The following PTPRD variants were observed in gnomAD, a reference collection of about 807,000 sequenced individuals.
The protein encoded by PTPRD is receptor-type tyrosine-protein phosphatase delta.
A neutral mutation model predicts 214.5 loss-of-function variants in PTPRD; 34 were observed. That is an observed-to-expected ratio of 0.16 (90% CI 0.12 to 0.21). The LOEUF (loss-of-function observed/expected upper bound fraction) is 0.21, where lower values mean the gene tolerates loss of function less well. Ranked by LOEUF, PTPRD falls within the 10% of genes least tolerant of loss-of-function variation. The probability of loss-of-function intolerance (pLI) is 1.00; values close to 1 mark genes in which losing one functional copy is unlikely to be tolerated. For missense variants in PTPRD, 2,545 were observed against 2,398.7 expected (o/e 1.06, Z -1.27); for synonymous variants, 1,128 against 845.7 (o/e 1.33, Z -5.79).
At chr9:9,734,294 G>C (rs748947498) in intron 7 of PTPRD, among the ~76,000 whole-genome samples, 1 of 152,016 alleles carries the variant, frequency 6.6e-6, no homozygotes, top group Non-Finnish European at 1.5e-5. Context: ...CCTCTGTTTG[G>C]AATGTTCTTC....
intron 12 of PTPRD, among the ~76,000 whole-genome samples, chr9:8,688,810 T>C (rs2097746553): frequency 6.6e-6 from 1 of 152,180 alleles, no homozygotes; most frequent in Non-Finnish European, 1.5e-5. Flanking sequence ...TCAAACTACA[T>C]TCAGTCTCAA....
At position 10,406,873 on chromosome 9, in the gene PTPRD, G is replaced by T. The variant is rs539323204; in HGVS notation, c.-599-65856C>A. 2.6e-5 allele frequency among the ~76,000 whole-genome samples: 4 copies of T among 151,678 alleles called. No individual in the cohort carries two copies. The East Asian group carries it at 7.8e-4, about 30-fold the overall frequency. ...CTCACGATCTCACAGGATCCCTGTG[G>T]TGAGTGGAAATGGCAACAGACAGGA... is the stretch of plus-strand genomic sequence containing the variant. On this transcript the variant is annotated intron_variant, in intron 2 of 45. Transcript: ENST00000381196.
At chr9:8,346,085 C>G (rs905842599) in intron 39 of PTPRD, among the ~76,000 whole-genome samples, 4 of 152,070 alleles carry the variant, frequency 2.6e-5, no homozygotes, top group African/African-American at 9.7e-5. Flanking sequence ...CTTCTCCTTT[C>G]AAATCTGCTC....
At chr9:9,350,104 C>T (rs2050532890) in intron 9 of PTPRD, among the ~76,000 whole-genome samples, 1 of 152,046 alleles carries the variant, frequency 6.6e-6, no homozygotes. Flanking sequence ...AAATCCTTTG[C>T]TGATGTAGAA....
chr9:10,164,183 C>A (rs778755002), intron 3 of PTPRD, among the ~76,000 whole-genome samples: 3 of 151,488 alleles, frequency 2.0e-5, no homozygotes, highest in Non-Finnish European at 3.0e-5. Flanking sequence ...AAATACAGAA[C>A]AGAGAACACA....
chr9:9,470,340 A>T (rs1445476856), intron 8 of PTPRD, among the ~76,000 whole-genome samples: 2 of 152,128 alleles, frequency 1.3e-5, no homozygotes, highest in Non-Finnish European at 2.9e-5. Context: ...GCAAGATACC[A>T]CCTATTGGAA....
intron 7 of PTPRD, among the ~76,000 whole-genome samples, chr9:9,681,447 C>T (rs1234419278): frequency 6.6e-6 from 1 of 151,638 alleles, no homozygotes; most frequent in East Asian, 1.9e-4. Context: ...TGGCCCCAAG[C>T]AATATTTGAG....
intron 12 of PTPRD, among the ~76,000 whole-genome samples, chr9:8,715,296 A>G (rs944865240): frequency 2.0e-5 from 3 of 152,176 alleles, no homozygotes; most frequent in African/African-American, 4.8e-5. Context: ...CACACAACAC[A>G]TAACAACTGC....
intron 3 of PTPRD, among the ~76,000 whole-genome samples, chr9:10,339,954 T>A (rs1051929739): frequency 1.3e-5 from 2 of 151,784 alleles, no homozygotes; most frequent in Non-Finnish European, 2.9e-5. Context: ...ATAACTATAT[T>A]CTTTGATTTA....
chr9:10,349,150 T>C (rs1370929076), intron 2 of PTPRD, among the ~76,000 whole-genome samples: 1 of 151,106 alleles, frequency 6.6e-6, no homozygotes, highest in Non-Finnish European at 1.5e-5. Flanking sequence ...CCTACTGCAA[T>C]CTCACATGAT....
intron 5 of PTPRD, among the ~76,000 whole-genome samples, chr9:9,874,973 A>G (rs2066449556): frequency 6.6e-6 from 1 of 152,196 alleles, no homozygotes; most frequent in Admixed American, 6.5e-5. Flanking sequence ...CTTTTGTCCA[A>G]TCATTTGAAT....
At chr9:9,925,621 A>AT (rs539918442) in intron 5 of PTPRD, among the ~76,000 whole-genome samples, 64 of 151,392 alleles carry the variant, frequency 4.2e-4, no homozygotes, top group Admixed American at 1.5e-3. Flanking sequence ...AGATGACAAA[A>AT]TTTTTTAAAA....
chr9:9,504,751 A>T (rs1466998415), intron 8 of PTPRD, among the ~76,000 whole-genome samples: 1 of 151,642 alleles, frequency 6.6e-6, no homozygotes. Flanking sequence ...TATACAGAAA[A>T]CCCTAAAGGT....
At chr9:10,369,918 A>C (rs747520474) in intron 2 of PTPRD, among the ~76,000 whole-genome samples, 21 of 152,150 alleles carry the variant, frequency 1.4e-4, no homozygotes, top group Non-Finnish European at 8.8e-5. Flanking sequence ...TAATGAGAAC[A>C]AGTAGTGAGC....
intron 10 of PTPRD, among the ~76,000 whole-genome samples, chr9:9,163,471 T>C (rs1223136203): frequency 6.6e-6 from 1 of 152,014 alleles, no homozygotes; most frequent in African/African-American, 2.4e-5. Context: ...GTCAAATTGC[T>C]TTCTGGATAT....
chr9:9,230,058 A>G (rs752071010), intron 9 of PTPRD, among the ~76,000 whole-genome samples: 7 of 152,134 alleles, frequency 4.6e-5, no homozygotes, highest in Non-Finnish European at 7.4e-5. Context: ...TTAACTCAAT[A>G]TGGTATAATA....
At chr9:10,151,288 G>T (rs1454339081) in intron 3 of PTPRD, among the ~76,000 whole-genome samples, 4 of 74,298 alleles carry the variant, frequency 5.4e-5, no homozygotes, top group East Asian at 4.5e-4. Flanking sequence ...TTTGAGACAA[G>T]AGTCTTGCTC....
At chr9:10,322,812 A>C (rs1203392202) in intron 3 of PTPRD, among the ~76,000 whole-genome samples, 1 of 152,020 alleles carries the variant, frequency 6.6e-6, no homozygotes, top group Non-Finnish European at 1.5e-5. Context: ...GACCTGGGAA[A>C]GGTGAAGAAA....
In PTPRD at chr9:8,420,803, CT is replaced by C. The variant is rs3835267; in HGVS notation, c.4086+15788del. On this transcript the variant is annotated intron_variant, in intron 35 of 45. Coordinates refer to ENST00000381196, the MANE Select transcript of PTPRD (RefSeq NM_002839.4). ...GACATGAATACTACAGATCATTTTT[CT>C]TTTTTTTTTTTTTTAAAAAAAGAAA... 3.4e-3 allele frequency among the ~76,000 whole-genome samples: 383 copies of C among 111,328 alleles called. 1 individual carries two copies. Among genetic ancestry groups the C allele is most frequent in the African/African-American group, 3.9e-3 (127 of 32,630 alleles). The allele number at this position is 111,328 out of a possible 152,430, so 73.0% of individuals were successfully genotyped here.
Sources: gnomAD v4.1 joint callset for allele counts (sites outside exome capture counted in the v4.1 genomes callset) on GRCh38, gnomAD v4.1.1 for gene constraint, MANE v1.5 for transcripts, NCBI Gene and HGNC (gene_info 2026-07-23, HGNC 2026-07-21) for gene names.